The following NXPE3 variants were observed in gnomAD, a reference collection of about 807,000 sequenced individuals.
The protein encoded by NXPE3 is NXPE family member 3.
A neutral mutation model predicts 46.1 loss-of-function variants in NXPE3; 26 were observed. The ratio of observed to expected loss-of-function variants is 0.56; its 90% CI spans 0.41 to 0.78. The LOEUF (loss-of-function observed/expected upper bound fraction) is 0.78, where lower values mean the gene tolerates loss of function less well. Ranked by LOEUF, NXPE3 falls within the 30% of genes least tolerant of loss-of-function variation. The pLI, the probability that NXPE3 is intolerant of heterozygous loss-of-function variation, is 0.00. For synonymous variants in NXPE3, 272 were observed against 257.9 expected, an observed-to-expected ratio of 1.05 and a Z score of -0.52; for missense variants, 620 against 686.0, an observed-to-expected ratio of 0.90 and a Z score of 1.07.
chr3:101,802,280 A>T (rs1941206050), intron 5 of NXPE3, among the ~76,000 whole-genome samples: 1 of 152,210 alleles, frequency 6.6e-6, no homozygotes, highest in Non-Finnish European at 1.5e-5. Context: ...GCATGTTTAC[A>T]CAGTAGCTGT....
At chr3:101,811,727 A>ATTTTTTTTTTTTTTTTTTTTTTTTTTTT (rs33999838) in intron 6 of NXPE3, among the ~76,000 whole-genome samples, 1 of 98,622 alleles carries the variant, frequency 1.0e-5, no homozygotes, top group Non-Finnish European at 2.1e-5. Context: ...GCAGTAGTTA[A>ATTTTTTTTTTTTTTTTTTTTTTTTTTTT]TTTTTTTTTT....
At chr3:101,809,454 A>T (rs1409884676) in intron 6 of NXPE3, among the ~76,000 whole-genome samples, 1 of 152,154 alleles carries the variant, frequency 6.6e-6, no homozygotes, top group Non-Finnish European at 1.5e-5. Flanking sequence ...CTATGCAAAC[A>T]TTCTGTTTCT....
At chr3:101,816,202 C>A (rs965610993) in intron 6 of NXPE3, among the ~76,000 whole-genome samples, 5 of 152,120 alleles carry the variant, frequency 3.3e-5, no homozygotes, top group Non-Finnish European at 5.9e-5. Flanking sequence ...GAAAGTCCCT[C>A]CTTTCCTTTC....
chr3:101,813,392 G>A (rs896708639), intron 6 of NXPE3, among the ~76,000 whole-genome samples: 5 of 150,962 alleles, frequency 3.3e-5, no homozygotes, highest in African/African-American at 1.2e-4. Flanking sequence ...TGTCCTTTTC[G>A]TCCAACTCTT....
At chr3:101,819,899 C>T (rs900736440) in intron 7 of NXPE3, among the ~76,000 whole-genome samples, 10 of 152,148 alleles carry the variant, frequency 6.6e-5, no homozygotes, top group East Asian at 1.9e-4. Context: ...TGCACCTACC[C>T]GTCTAGCAGC....
intron 4 of NXPE3, among the ~76,000 whole-genome samples, 168 bp from the exon 5 acceptor site, chr3:101,801,067 T>C (rs1941112521): frequency 6.6e-6 from 1 of 152,326 alleles, no homozygotes; most frequent in Admixed American, 6.5e-5. Context: ...CCTTTTCCCT[T>C]TCTCTTCCCG....
chr3:101,808,840 TATATATATATATATATGAGA>T (rs1416307342), intron 6 of NXPE3, among the ~76,000 whole-genome samples: 1 of 110,738 alleles, frequency 9.0e-6, no homozygotes, highest in Non-Finnish European at 1.8e-5. Flanking sequence ...TATATATATA[TATATATATATATATATGAGA>T]CATTTATCTT....
chr3:101,780,562 A>C (rs1241845096), intron 1 of NXPE3, among the ~76,000 whole-genome samples: 1 of 152,002 alleles, frequency 6.6e-6, no homozygotes, highest in South Asian at 2.1e-4. Flanking sequence ...TCATCTAGGG[A>C]CCTTTTTAAA....
intron 4 of NXPE3, among the ~76,000 whole-genome samples, chr3:101,797,399 A>G (rs1342392219): frequency 6.9e-6 from 1 of 145,024 alleles, no homozygotes; most frequent in Non-Finnish European, 1.5e-5. Context: ...TGAGCAAATT[A>G]TTAAGCTATT....
In NXPE3 at chr3:101,801,401, G is replaced by A. The variant is rs143859535; in HGVS notation, c.260G>A (p.Arg87Gln). ...GACTCCTTGCTGGCTGCCTTGCACC[G>A]GCAGGTTCCTGATGTGGGCCCAGTC... is the stretch of plus-strand genomic sequence containing the variant. ...EEDSLLAALH[R>Q]QVPDVGPVPF... Residue 87 changes from arginine (R) to glutamine (Q), a missense_variant, in exon 5 of 8, where the codon CGG (arginine) becomes CAG (glutamine). Physicochemically the swap from Arg to Gln is conservative, Grantham distance 43. Transcript: ENST00000273347. 2.6e-5 allele frequency: 42 copies of A among 1,614,044 alleles called. No individual in the cohort carries two copies. The highest frequency in any genetic ancestry group is 4.4e-5 in the South Asian group (4 of 91,088).
At chr3:101,819,470 T>G (rs1942151402) in intron 7 of NXPE3, among the ~76,000 whole-genome samples, 1 of 152,186 alleles carries the variant, frequency 6.6e-6, no homozygotes, top group African/African-American at 2.4e-5. Flanking sequence ...GAGATGGAAG[T>G]TTTTCTGTAG....
rs566887195 is a variant in NXPE3 at position 101,800,693 on chromosome 3, T to G, written c.94-542T>G. ...GATACTCATTGGTTAGGTACATACA[T>G]GTTAAGGGTTGTTTTTTTTTTTGGA... On this transcript the variant is annotated intron_variant, in intron 4 of 7. Coordinates refer to ENST00000273347, the MANE Select transcript of NXPE3 (RefSeq NM_145037.4). Among the ~76,000 whole-genome samples, 23 of 152,244 alleles carry G rather than the reference T, an allele frequency of 1.5e-4. No homozygotes were observed. In the East Asian group the frequency reaches 4.2e-3, roughly 28 times the overall value.
rs564079035 is a variant in NXPE3, at chr3:101,825,228, C to G, written c.*3274C>G. On this transcript the variant is annotated 3_prime_UTR_variant, in exon 8 of 8. Coordinates refer to ENST00000273347, the MANE Select transcript of NXPE3 (RefSeq NM_145037.4). ...GTCCATGTGTTCTCATCATTTAGCT[C>G]TCACTTATCAGTGAGAACAACTTTC... is the stretch of plus-strand genomic sequence containing the variant. 1 of 152,194 alleles carries G rather than the reference C, an allele frequency of 6.6e-6. No homozygotes were observed. The highest frequency in any genetic ancestry group is 6.5e-5 in the Admixed American group (1 of 15,272). 9.4% of individuals were successfully genotyped at this position (152,194 alleles called of 1,614,324 possible).
intron 4 of NXPE3, among the ~76,000 whole-genome samples, chr3:101,795,687 T>C (rs186093804): frequency 1.2e-3 from 177 of 152,328 alleles, no homozygotes; most frequent in Non-Finnish European, 1.7e-3. Context: ...ATATGTATTA[T>C]AACACCTGTG....
intron 6 of NXPE3, among the ~76,000 whole-genome samples, chr3:101,809,988 A>G (rs752585830): frequency 1.2e-4 from 19 of 152,192 alleles, no homozygotes; most frequent in Non-Finnish European, 2.4e-4. Context: ...AATTGTATTT[A>G]TGTATTAGCT....
chr3:101,796,567 A>G (rs2107280292), intron 4 of NXPE3, among the ~76,000 whole-genome samples: 1 of 152,354 alleles, frequency 6.6e-6, no homozygotes, highest in East Asian at 1.9e-4. Context: ...ATGGTGTGTC[A>G]CAGACTTACA....
At position 101,799,060 on chromosome 3, in the gene NXPE3, G is replaced by A. The variant is rs139577050; in HGVS notation, c.94-2175G>A. Among the ~76,000 whole-genome samples, 632 of 152,136 alleles carry A rather than the reference G, an allele frequency of 4.2e-3. 13 individuals carry two copies. The highest frequency in any genetic ancestry group is 7.0e-3 in the East Asian group (36 of 5,174). Reference sequence around the variant, plus strand: ...AGTGATCTTCCCAGCTCAGCCTTCCGTGTAGCTAGGACTACAGGCATATGC... The same window carrying A: ...AGTGATCTTCCCAGCTCAGCCTTCCATGTAGCTAGGACTACAGGCATATGC... On this transcript the variant is annotated intron_variant, in intron 4 of 7. Transcript: ENST00000273347.
chr3:101,796,470 A>G (rs1202466352), intron 4 of NXPE3, among the ~76,000 whole-genome samples: 2 of 152,224 alleles, frequency 1.3e-5, no homozygotes, highest in South Asian at 2.1e-4. Flanking sequence ...ATTGGGTTGC[A>G]TGTATCAGTC....
rs1939870290 is a variant in NXPE3, at chr3:101,782,309, T to A, written c.-317+19T>A. 6.6e-6 allele frequency: 1 copy of A among 152,216 alleles called. No homozygotes were observed. Among genetic ancestry groups the A allele is most frequent in the Non-Finnish European group, 1.5e-5 (1 of 68,046 alleles). The allele number at this position is 152,216 out of a possible 1,614,324, so 9.4% of individuals were successfully genotyped here. A position where few individuals can be genotyped will look rare whatever the true frequency, so the allele number is the denominator to read the frequency against. On this transcript the variant is annotated intron_variant, in intron 2 of 7. Transcript: ENST00000273347. ...AAAAAAGGTAAATTACATTGAATTA[T>A]ATATTTTTATTTTTTTGGTTAATCT...
Sources: allele counts gnomAD v4.1 joint callset (sites outside exome capture counted in the v4.1 genomes callset), GRCh38; gene constraint gnomAD v4.1.1; transcripts MANE v1.5; gene names NCBI Gene and HGNC (gene_info 2026-07-23, HGNC 2026-07-21).